Variants in RASSF8 observed in about 807,000 individuals in gnomAD.
RASSF8 encodes the protein Ras association domain family member 8.
A neutral mutation model predicts 48.5 loss-of-function variants in RASSF8; 22 were observed. The observed-to-expected ratio is 0.45, with a 90% CI of 0.32 to 0.65. RASSF8 has a LOEUF of 0.65. Among genes scored for constraint, RASSF8 ranks in the 30% least tolerant of loss-of-function variants. The probability of loss-of-function intolerance (pLI) is 0.03; values close to 1 mark genes in which losing one functional copy is unlikely to be tolerated. For missense variants in RASSF8, 418 were observed against 489.2 expected, an observed-to-expected ratio of 0.85 and a Z score of 1.37; for synonymous variants, 127 against 171.5, an observed-to-expected ratio of 0.74 and a Z score of 2.03.
intron 1 of RASSF8, among the ~76,000 whole-genome samples, chr12:25,978,701 C>G (rs1328789191): frequency 6.7e-6 from 1 of 148,994 alleles, no homozygotes; most frequent in Admixed American, 6.7e-5. Context: ...TTTTTTTTAA[C>G]CAGGGGCACG....
At chr12:26,032,553 A>G (rs781605573) in intron 2 of RASSF8, among the ~76,000 whole-genome samples, 1 of 152,180 alleles carries the variant, frequency 6.6e-6, no homozygotes, top group Non-Finnish European at 1.5e-5. Flanking sequence ...AAATTGCTAC[A>G]TTAGCATGCA....
rs182186980 is a variant in RASSF8, at chr12:25,984,074, T to C, written c.-202-10963T>C. 5.9e-5 allele frequency among the ~76,000 whole-genome samples: 9 copies of C among 152,290 alleles called. No individual in the cohort carries two copies. In the East Asian group the frequency reaches 1.3e-3, roughly 23 times the overall value. Reference sequence around the variant, plus strand: ...ATACAATCATGTATTTATTTATTTATTTCTGGAGATAGGGTCTGGCCCAGT... The same window carrying C: ...ATACAATCATGTATTTATTTATTTACTTCTGGAGATAGGGTCTGGCCCAGT... On this transcript the variant is annotated intron_variant, in intron 1 of 5. Transcript: ENST00000689635.
rs966042234 is a variant in RASSF8, at chr12:26,072,675, A to G, written c.*3857A>G. ...AAACAGAAAATTGCCATGTTCACTA[A>G]TTGTGAGCACATAAATATGCTTTTA... On this transcript the variant is annotated 3_prime_UTR_variant, in exon 6 of 6. Transcript: ENST00000689635. 2.9e-5 allele frequency: 29 copies of G among 984,384 alleles called. No homozygotes were observed. The African/African-American group carries it at 4.9e-4, about 17-fold the overall frequency. The allele number at this position is 984,384 out of a possible 1,614,324, so 61.0% of individuals were successfully genotyped here. A position where few individuals can be genotyped will look rare whatever the true frequency, so the allele number is the denominator to read the frequency against.
chr12:26,004,890 A>G (rs1942349425), intron 2 of RASSF8, among the ~76,000 whole-genome samples: 2 of 152,026 alleles, frequency 1.3e-5, no homozygotes, highest in South Asian at 4.1e-4. Flanking sequence ...GAGGTGGTTC[A>G]TGCTTATAAT....
intron 1 of RASSF8, among the ~76,000 whole-genome samples, chr12:25,976,080 T>C (rs1941597504): frequency 6.6e-6 from 1 of 152,162 alleles, no homozygotes; most frequent in Non-Finnish European, 1.5e-5. Flanking sequence ...TCTCCTCTCC[T>C]CACCCAGGCT....
At chr12:25,998,113 G>C (rs1340861936) in intron 2 of RASSF8, among the ~76,000 whole-genome samples, 1 of 152,122 alleles carries the variant, frequency 6.6e-6, no homozygotes. Flanking sequence ...TTGGAATTTG[G>C]TTTTCATGAA....
At chr12:25,986,138 T>A (rs1941868672) in intron 1 of RASSF8, among the ~76,000 whole-genome samples, 1 of 152,120 alleles carries the variant, frequency 6.6e-6, no homozygotes, top group African/African-American at 2.4e-5. Flanking sequence ...GGGGTGAGAT[T>A]TTTATATCCA....
At chr12:26,050,529 C>T (rs373547402) in intron 2 of RASSF8, among the ~76,000 whole-genome samples, 21 of 152,244 alleles carry the variant, frequency 1.4e-4, no homozygotes, top group Non-Finnish European at 1.9e-4. Flanking sequence ...GTAGTAGACT[C>T]GGGATTTGAA....
chr12:26,043,798 A>C (rs578120305), intron 2 of RASSF8, among the ~76,000 whole-genome samples: 1 of 152,322 alleles, frequency 6.6e-6, no homozygotes, highest in South Asian at 2.1e-4. Flanking sequence ...CAGCAAACAT[A>C]ATGTAACGCC....
At chr12:26,027,886 A>G (rs1001796008) in intron 2 of RASSF8, among the ~76,000 whole-genome samples, 3 of 152,210 alleles carry the variant, frequency 2.0e-5, no homozygotes, top group Non-Finnish European at 4.4e-5. Flanking sequence ...ACAGAGGGGA[A>G]TGACCAGATG....
rs759901394 is a variant in RASSF8, at chr12:25,971,579, G to GA, written c.-203+12440dup. ...GTTTTCATTTCATATGGAAAAAAAA[G>GA]AAAAAAAAAGAAGAAGAAAAGTATT... On this transcript the variant is annotated intron_variant, in intron 1 of 5. Coordinates refer to ENST00000689635, the MANE Select transcript of RASSF8 (RefSeq NM_001394098.1). 5.9e-4 allele frequency among the ~76,000 whole-genome samples: 87 copies of GA among 147,192 alleles called. 1 individual carries two copies. Among genetic ancestry groups the GA allele is most frequent in the Non-Finnish European group, 7.3e-4 (49 of 67,288 alleles).
intron 1 of RASSF8, among the ~76,000 whole-genome samples, chr12:25,990,210 T>C (rs1185293557): frequency 6.6e-6 from 1 of 152,224 alleles, no homozygotes; most frequent in Non-Finnish European, 1.5e-5. Flanking sequence ...CAGCCATATA[T>C]AAGCATAAGG....
At chr12:26,057,906 G>T (rs139347675) in intron 3 of RASSF8, among the ~76,000 whole-genome samples, 14,410 of 152,158 alleles carry the variant, frequency 0.095, 733 homozygotes, top group Middle Eastern at 0.15. Context: ...TCATGTGTCT[G>T]TTGGCTGCAT....
At chr12:25,998,626 C>T (rs1237542732) in intron 2 of RASSF8, among the ~76,000 whole-genome samples, 6 of 152,238 alleles carry the variant, frequency 3.9e-5, no homozygotes, top group South Asian at 4.2e-4. Context: ...GGATTACAGG[C>T]GTGAGCCACC....
In RASSF8 at chr12:26,068,719, C is replaced by T. The variant is rs1025950163; in HGVS notation, c.1161C>T (p.Ser387=). ...IEREAPFQSG[S]LKRPGSSRQL... ...TAGAGGCACCATTCCAGTCTGGGTC[C>T]CTGAAGCGACCTGGTTCATCTCGGC... Residue 387 remains serine (S), a synonymous_variant, in exon 6 of 6, where the codon TCC becomes TCT. Coordinates refer to ENST00000689635, the MANE Select transcript of RASSF8 (RefSeq NM_001394098.1). 6.5e-7 allele frequency: 1 copy of T among 1,537,298 alleles called. No homozygotes were observed. Among genetic ancestry groups the T allele is most frequent in the Admixed American group, 2.0e-5 (1 of 51,000 alleles).
At chr12:26,038,760 T>C (rs147825492) in intron 2 of RASSF8, among the ~76,000 whole-genome samples, 1 of 152,222 alleles carries the variant, frequency 6.6e-6, no homozygotes, top group African/African-American at 2.4e-5. Context: ...TTGTTTTTGT[T>C]GGTTTTATTT....
At chr12:25,983,891 G>A (rs1187900776) in intron 1 of RASSF8, among the ~76,000 whole-genome samples, 1 of 152,170 alleles carries the variant, frequency 6.6e-6, no homozygotes, top group Non-Finnish European at 1.5e-5. Flanking sequence ...GTGTGTGCCA[G>A]CCTGTTGACA....
chr12:25,979,840 T>C (rs150794101), intron 1 of RASSF8, among the ~76,000 whole-genome samples: 3 of 147,580 alleles, frequency 2.0e-5, no homozygotes, highest in African/African-American at 5.0e-5. Context: ...TGAGCAATTT[T>C]TACTAGCAGT....
In RASSF8 at chr12:26,071,389, T is replaced by G; in HGVS notation, c.*2571T>G. ...TCAGGTTCTAAATACTAAATTAGAT[T>G]TCAATGTTTTGTGTTTTTTTTAAAA... On this transcript the variant is annotated 3_prime_UTR_variant, in exon 6 of 6. Transcript: ENST00000689635. The G allele has an allele frequency of 3.2e-6, 3 of 950,268 alleles. No homozygotes were observed. Among genetic ancestry groups the G allele is most frequent in the Non-Finnish European group, 3.8e-6 (3 of 798,480 alleles). 58.9% of individuals were successfully genotyped at this position (950,268 alleles called of 1,614,324 possible). A position where few individuals can be genotyped will look rare whatever the true frequency, so the allele number is the denominator to read the frequency against.
Sources: gnomAD v4.1 joint callset for allele counts (sites outside exome capture counted in the v4.1 genomes callset) on GRCh38, gnomAD v4.1.1 for gene constraint, MANE v1.5 for transcripts, NCBI Gene and HGNC (gene_info 2026-07-23, HGNC 2026-07-21) for gene names.